The following PCDHGA4 variants were observed in gnomAD, a reference collection of about 807,000 sequenced individuals.
PCDHGA4 encodes protocadherin gamma subfamily A, 4, also known as protocadherin gamma-A4.
Under a neutral mutation model 54.6 loss-of-function variants are expected in PCDHGA4, and 38 were observed. The observed-to-expected ratio is 0.70, with a 90% CI of 0.54 to 0.91. The LOEUF (loss-of-function observed/expected upper bound fraction) is 0.91. Ranked by LOEUF, PCDHGA4 falls within the 40% of genes least tolerant of loss-of-function variation. The probability of loss-of-function intolerance (pLI) is 0.00; values close to 1 mark genes in which losing one functional copy is unlikely to be tolerated. For synonymous variants in PCDHGA4, 511 were observed against 512.9 expected (o/e 1.00, Z 0.05); for missense variants, 1,298 against 1,220.9 (o/e 1.06, Z -0.94).
At chr5:141,362,027 C>T in intron 1 of PCDHGA4, 2 of 1,608,844 alleles carry the variant, frequency 1.2e-6, no homozygotes, top group Non-Finnish European at 1.7e-6. Flanking sequence ...ACAGCGCGTG[C>T]CTTGGGCGAC....
intron 3 of PCDHGA4, among the ~76,000 whole-genome samples, chr5:141,505,973 G>A (rs1207489923): frequency 6.6e-6 from 1 of 152,166 alleles, no homozygotes; most frequent in Non-Finnish European, 1.5e-5. Context: ...ATCCCCAGCC[G>A]AGAGAACACC....
Position 141,485,597 on chromosome 5 carries a change from A to G in PCDHGA4, c.2515-9210A>G. On this transcript the variant is annotated intron_variant, in intron 1 of 3. Coordinates refer to ENST00000571252, the MANE Select transcript of PCDHGA4 (RefSeq NM_018917.4). This position sits in a 1 kb window ranked among gnomAD's most constrained non-coding sequence, Gnocchi z 5.7. ...TCCGCGGCAGCAGCTGGACTTGGAA[A>G]TTGGGGAGGCAGCTCCTCCAGGACA... The G allele has an allele frequency of 6.2e-7, 1 of 1,612,468 alleles. No homozygotes were observed. The highest frequency in any genetic ancestry group is 8.5e-7 in the Non-Finnish European group (1 of 1,178,718).
intron 1 of PCDHGA4, chr5:141,384,103 T>A (rs1305926581): frequency 6.2e-7 from 1 of 1,600,344 alleles, no homozygotes; most frequent in Non-Finnish European, 8.5e-7. Flanking sequence ...AGATAATTAT[T>A]ATAGATTGGT....
chr5:141,467,990 A>G (rs1593103654), intron 1 of PCDHGA4, among the ~76,000 whole-genome samples: 2 of 152,052 alleles, frequency 1.3e-5, no homozygotes, highest in South Asian at 2.1e-4. Context: ...GAAAACCACA[A>G]TTCTTTCTTC....
chr5:141,388,477 C>A (rs371333912), intron 1 of PCDHGA4: 34 of 1,613,702 alleles, frequency 2.1e-5, no homozygotes, highest in Non-Finnish European at 2.9e-5. Flanking sequence ...GTATTGAAGA[C>A]ACCTTTGGAC....
rs776923636 is a variant in PCDHGA4, at chr5:141,361,278, A to G, written c.2514+3657A>G. On this transcript the variant is annotated intron_variant, in intron 1 of 3. Coordinates refer to ENST00000571252, the MANE Select transcript of PCDHGA4 (RefSeq NM_018917.4). ...ACAGAGACTCTGGAGAAAATGGAGA[A>G]GTTTACTGCCAAGTGTTGGGAAATG... The G allele has an allele frequency of 1.4e-5, 23 of 1,613,896 alleles. No individual in the cohort carries two copies. In the South Asian group the frequency reaches 2.5e-4, roughly 18 times the overall value.
intron 1 of PCDHGA4, chr5:141,395,178 G>A: frequency 6.2e-7 from 1 of 1,614,142 alleles, no homozygotes; most frequent in East Asian, 2.2e-5. Flanking sequence ...TGAGAAAAAT[G>A]ATTCTTTGTT....
intron 1 of PCDHGA4, among the ~76,000 whole-genome samples, chr5:141,448,476 G>A (rs1002358317): frequency 1.3e-5 from 2 of 151,976 alleles, no homozygotes; most frequent in African/African-American, 4.8e-5. Flanking sequence ...TTCCACCCTT[G>A]CTTCCTCCTG....
chr5:141,431,674 G>A lies in PCDHGA4; in HGVS notation c.2515-63133G>A, dbSNP rs756385496. ...ATTCAGGGACAATATCAACAATAGG[G>A]GAGTTGGACCACGAGGAGTCAGGAT... On this transcript the variant is annotated intron_variant, in intron 1 of 3. Transcript: ENST00000571252. The surrounding 1 kb of genome is among the most constrained non-coding windows in gnomAD (Gnocchi z 4.8). 4 of 1,614,234 alleles carry A rather than the reference G, an allele frequency of 2.5e-6. No individual in the cohort carries two copies. The Admixed American group carries it at 6.7e-5, about 27-fold the overall frequency.
intron 2 of PCDHGA4, among the ~76,000 whole-genome samples, chr5:141,504,490 TGC>T (rs2099838709): frequency 6.6e-6 from 1 of 152,056 alleles, no homozygotes; most frequent in Non-Finnish European, 1.5e-5. Flanking sequence ...TGGAGGCACC[TGC>T]CCAGTCTGAG....
chr5:141,408,655 A>G (rs778418746), intron 1 of PCDHGA4: 1 of 1,613,928 alleles, frequency 6.2e-7, no homozygotes, highest in African/African-American at 1.3e-5. Flanking sequence ...CTGGTACACG[A>G]CTATCGCTTG....
At chr5:141,376,247 T>G in intron 1 of PCDHGA4, 1 of 1,614,192 alleles carries the variant, frequency 6.2e-7, no homozygotes, top group Non-Finnish European at 8.5e-7. Flanking sequence ...CTGGCACAAG[T>G]CACGCCTGCT....
At chr5:141,417,900 G>T (rs563876979) in intron 1 of PCDHGA4, 1 of 1,583,452 alleles carries the variant, frequency 6.3e-7, no homozygotes, top group African/African-American at 1.3e-5. Flanking sequence ...GCCGGCCCGC[G>T]GCAGGTACTA....
At chr5:141,411,319 C>T (rs532552346) in intron 1 of PCDHGA4, 1 of 152,262 alleles carries the variant, frequency 6.6e-6, no homozygotes, top group South Asian at 2.1e-4. Flanking sequence ...CCTATAATCA[C>T]AGCACTTTGA....
intron 1 of PCDHGA4, chr5:141,430,625 G>T: frequency 1.3e-6 from 1 of 788,104 alleles, no homozygotes; most frequent in Non-Finnish European, 1.9e-6. Context: ...AGCTAGGAAT[G>T]AACCATCCCT....
chr5:141,407,027 CT>C (rs1297630291), intron 1 of PCDHGA4, among the ~76,000 whole-genome samples: 1 of 152,128 alleles, frequency 6.6e-6, no homozygotes, highest in Non-Finnish European at 1.5e-5. Context: ...AAATTCTATG[CT>C]AAACATGTGA....
chr5:141,365,007 C>T (rs776739278), intron 1 of PCDHGA4: 2 of 1,613,804 alleles, frequency 1.2e-6, no homozygotes, highest in African/African-American at 1.3e-5. Context: ...TCCGGCACCA[C>T]GCACATCCGT....
intron 1 of PCDHGA4, chr5:141,410,127 T>A (rs761667108): frequency 3.7e-6 from 6 of 1,612,926 alleles, no homozygotes; most frequent in Non-Finnish European, 5.1e-6. Context: ...CGCCAGCGCC[T>A]GCTGGTCGCT....
intron 1 of PCDHGA4, chr5:141,371,737 A>G (rs762168645): frequency 6.2e-7 from 1 of 1,614,038 alleles, no homozygotes; most frequent in South Asian, 1.1e-5. Context: ...GTCAACGACA[A>G]CGTTCCCGTT....
Sources: gnomAD v4.1 joint callset for allele counts (sites outside exome capture counted in the v4.1 genomes callset) on GRCh38, gnomAD v4.1.1 for gene constraint, Gnocchi (gnomAD v3.1) non-coding constraint, MANE v1.5 for transcripts, NCBI Gene and HGNC (gene_info 2026-07-23, HGNC 2026-07-21) for gene names.